CHRNA3: variants seen among roughly 807,000 people sequenced by gnomAD.
The protein encoded by CHRNA3 is neuronal acetylcholine receptor subunit alpha-3.
CHRNA3 carries 34 observed loss-of-function variants against 41.9 expected under a neutral mutation model. That is an observed-to-expected ratio of 0.81 (90% CI 0.62 to 1.08). CHRNA3 has a LOEUF of 1.08. Ranked by LOEUF, CHRNA3 falls within the 50% of genes least tolerant of loss-of-function variation. The pLI is 0.00. For synonymous variants in CHRNA3, 281 were observed against 265.2 expected (o/e 1.06, Z -0.58); for missense variants, 542 against 638.3 (o/e 0.85, Z 1.63).
At chr15:78,607,948 C>T (rs1289821673) in intron 4 of CHRNA3, among the ~76,000 whole-genome samples, 3 of 152,198 alleles carry the variant, frequency 2.0e-5, no homozygotes, top group Non-Finnish European at 4.4e-5. Flanking sequence ...GAGGGTCCTA[C>T]ACACACGGAG....
chr15:78,607,366 C>CT (rs1180965919), intron 4 of CHRNA3: 5 of 152,030 alleles, frequency 3.3e-5, no homozygotes, highest in Admixed American at 6.6e-5. Context: ...CATGAATACT[C>CT]TGAGGATTCT....
At chr15:78,613,686 AT>A (rs559699684) in intron 4 of CHRNA3, among the ~76,000 whole-genome samples, 71 of 150,308 alleles carry the variant, frequency 4.7e-4, no homozygotes, top group African/African-American at 1.7e-3. Flanking sequence ...AAACCTGCAC[AT>A]TGTGCACATG....
chr15:78,611,771 A>G (rs563482118), intron 4 of CHRNA3, among the ~76,000 whole-genome samples: 18 of 152,112 alleles, frequency 1.2e-4, no homozygotes, highest in African/African-American at 4.3e-4. Flanking sequence ...GAAAAGAGGA[A>G]GTCAAATTGT....
intron 4 of CHRNA3, among the ~76,000 whole-genome samples, chr15:78,607,030 C>T (rs2053300270): frequency 6.6e-6 from 1 of 151,516 alleles, no homozygotes; most frequent in Admixed American, 6.6e-5. Flanking sequence ...GAGTTTGAGA[C>T]CAGCCTGGCC....
At position 78,620,935 on chromosome 15, in the gene CHRNA3, C is replaced by T. The variant is rs1272805083; in HGVS notation, c.-141G>A. On this transcript the variant is annotated 5_prime_UTR_variant, in exon 1 of 6. Transcript: ENST00000326828. ...CGGAGACGCGCGGGGCTCCTCTCCGCTTCGCCGCCGCTGGGTTTCCAGCGC... is the reference window on the plus strand; with the variant it reads ...CGGAGACGCGCGGGGCTCCTCTCCGTTTCGCCGCCGCTGGGTTTCCAGCGC... 8.9e-7 allele frequency: 1 copy of T among 1,120,278 alleles called. No individual in the cohort carries two copies. The highest frequency in any genetic ancestry group is 4.5e-5 in the Admixed American group (1 of 22,202). The allele number at this position is 1,120,278 out of a possible 1,614,324, so 69.4% of individuals were successfully genotyped here. A position where few individuals can be genotyped will look rare whatever the true frequency, so the allele number is the denominator to read the frequency against.
chr15:78,607,937 G>A lies in CHRNA3; in HGVS notation c.378-5673C>T, dbSNP rs117287587. Among the ~76,000 whole-genome samples, 948 of 152,294 alleles carry A rather than the reference G, an allele frequency of 6.2e-3. 9 individuals carry two copies. Among genetic ancestry groups the A allele is most frequent in the Middle Eastern group, 6.8e-3 (2 of 294 alleles). On this transcript the variant is annotated intron_variant, in intron 4 of 5. Transcript: ENST00000326828. ...GGAGATTACATCCTGCACCTTGCTC[G>A]GAGGGTCCTACACACACGGAGTCTT...
intron 4 of CHRNA3, among the ~76,000 whole-genome samples, chr15:78,614,565 T>TA (rs1462734462): frequency 6.6e-6 from 1 of 152,234 alleles, no homozygotes; most frequent in East Asian, 1.9e-4. Flanking sequence ...ATAGCTTCTC[T>TA]AGTCCTGACA....
Position 78,595,555 on chromosome 15 carries a change from A to G in CHRNA3, c.*1049T>C. 1 of 225,674 alleles carries G rather than the reference A, an allele frequency of 4.4e-6. No homozygotes were observed. 14.0% of individuals were successfully genotyped at this position (225,674 alleles called of 1,614,324 possible). A position where few individuals can be genotyped will look rare whatever the true frequency, so the allele number is the denominator to read the frequency against. ...TGAAGAAGCAAGGTATGTCATTGGC[A>G]TCTAGTGAGTTGAGGCTAGGGTACT... On this transcript the variant is annotated 3_prime_UTR_variant, in exon 6 of 6. Transcript: ENST00000326828.
At chr15:78,620,352 C>T in intron 1 of CHRNA3, 1 of 177,750 alleles carries the variant, frequency 5.6e-6, no homozygotes. Flanking sequence ...CTTGGGCGCG[C>T]CAGTTTGGGA....
intron 5 of CHRNA3, among the ~76,000 whole-genome samples, chr15:78,598,275 G>A (rs962784578): frequency 6.6e-6 from 1 of 152,152 alleles, no homozygotes; most frequent in Non-Finnish European, 1.5e-5. Context: ...AGAGCCTAGT[G>A]ATACTAATGT....
chr15:78,620,477 G>A lies in CHRNA3; in HGVS notation c.82+236C>T, dbSNP rs186082321. On this transcript the variant is annotated intron_variant, in intron 1 of 5. Transcript: ENST00000326828. The stretch of plus-strand genomic sequence containing the variant: ...CATCACCCGGCGCGTACCAGCGCCC[G>A]CTCAGTGACTCCCAGGTTTGGTGGT... 3.6e-3 allele frequency among the ~76,000 whole-genome samples: 554 copies of A among 152,312 alleles called. 5 individuals carry two copies. Among genetic ancestry groups the A allele is most frequent in the African/African-American group, 0.013 (529 of 41,580 alleles).
chr15:78,611,751 A>G (rs1448173730), intron 4 of CHRNA3, among the ~76,000 whole-genome samples: 1 of 150,746 alleles, frequency 6.6e-6, no homozygotes, highest in Non-Finnish European at 1.5e-5. Context: ...AAATAAAGGG[A>G]TTCAATTAGG....
At chr15:78,614,452 T>C (rs894292500) in intron 4 of CHRNA3, among the ~76,000 whole-genome samples, 3 of 152,212 alleles carry the variant, frequency 2.0e-5, no homozygotes, top group African/African-American at 7.2e-5. Flanking sequence ...AAGTGCTGTG[T>C]TTCCTTGGGA....
chr15:78,593,885 A>G (rs564585), downstream of CHRNA3: 60,580 of 151,874 alleles, frequency 0.4, 13,814 homozygotes, highest in East Asian at 0.79. Context: ...TACTAAAAAT[A>G]TGAAATTAGC....
chr15:78,606,253 G>C (rs139500969), intron 4 of CHRNA3, among the ~76,000 whole-genome samples: 67 of 151,140 alleles, frequency 4.4e-4, no homozygotes, highest in Non-Finnish European at 2.8e-4. Flanking sequence ...TTGAATCTGA[G>C]AGGCAGAGGT....
intron 4 of CHRNA3, among the ~76,000 whole-genome samples, chr15:78,611,474 T>TG (rs1374604219): frequency 6.6e-6 from 1 of 151,602 alleles, no homozygotes; most frequent in Non-Finnish European, 1.5e-5. Context: ...AAAAACCACA[T>TG]GATTATCTCA....
downstream of CHRNA3, chr15:78,593,396 G>A (rs2053044126): frequency 2.7e-6 from 2 of 742,240 alleles, no homozygotes; most frequent in Admixed American, 7.0e-5. Flanking sequence ...TATGTTAACA[G>A]ATGATCCATT....
At chr15:78,610,851 A>C (rs1271451156) in intron 4 of CHRNA3, among the ~76,000 whole-genome samples, 4 of 152,232 alleles carry the variant, frequency 2.6e-5, no homozygotes, top group African/African-American at 7.2e-5. Context: ...AGCAGAAAGA[A>C]GAATCAAATA....
At chr15:78,620,598 G>T in intron 1 of CHRNA3, 115 bp downstream of exon 1, 1 of 1,371,094 alleles carries the variant, frequency 7.3e-7, no homozygotes, top group Non-Finnish European at 9.4e-7. Flanking sequence ...AGTCCCCGGC[G>T]ACGGCGCCAG....
Sources: allele counts gnomAD v4.1 joint callset (sites outside exome capture counted in the v4.1 genomes callset), GRCh38; gene constraint gnomAD v4.1.1; transcripts MANE v1.5; gene names NCBI Gene and HGNC (gene_info 2026-07-23, HGNC 2026-07-21).